The following PRRX1 variants were observed in gnomAD, a reference collection of about 807,000 sequenced individuals.
The protein encoded by PRRX1 is paired related homeobox 1.
PRRX1 carries 8 observed loss-of-function variants against 24.0 expected under a neutral mutation model. The observed-to-expected ratio is 0.33, with a 90% CI of 0.20 to 0.60. The LOEUF is 0.60. Ranked by LOEUF, PRRX1 falls within the 20% of genes least tolerant of loss-of-function variation. The pLI, the probability that PRRX1 is intolerant of heterozygous loss-of-function variation, is 0.82. For synonymous variants in PRRX1, 160 were observed against 131.7 expected (o/e 1.22, Z -1.47); for missense variants, 281 against 322.4 (o/e 0.87, Z 0.98).
At chr1:170,699,228 G>A (rs1206407678) in intron 1 of PRRX1, among the ~76,000 whole-genome samples, 5 of 152,110 alleles carry the variant, frequency 3.3e-5, no homozygotes, top group South Asian at 2.1e-4. Context: ...CAGGCCGTCC[G>A]GCTGCCAATT....
intron 1 of PRRX1, among the ~76,000 whole-genome samples, chr1:170,695,143 A>C (rs1051779697): frequency 6.6e-6 from 1 of 152,168 alleles, no homozygotes; most frequent in African/African-American, 2.4e-5. Flanking sequence ...GATTAAATGC[A>C]ACAACCATAC....
chr1:170,714,285 C>T lies in PRRX1; in HGVS notation c.242-5441C>T, dbSNP rs532782152. On this transcript the variant is annotated intron_variant, in intron 1 of 3. Transcript: ENST00000239461. ...TTCAATTTTCCAAAGGTTACGGGGC[C>T]TGAACCACACAAATCCCATTAAAGT... 7.9e-5 allele frequency among the ~76,000 whole-genome samples: 12 copies of T among 152,292 alleles called. No homozygotes were observed. In the East Asian group the frequency reaches 2.3e-3, roughly 29 times the overall value.
chr1:170,701,849 CT>C (rs1381048252), intron 1 of PRRX1, among the ~76,000 whole-genome samples: 1 of 152,056 alleles, frequency 6.6e-6, no homozygotes, highest in South Asian at 2.1e-4. Flanking sequence ...AAACATTTAT[CT>C]TTTTTTGTGT....
intron 1 of PRRX1, among the ~76,000 whole-genome samples, chr1:170,701,542 T>A (rs1654359403): frequency 6.6e-6 from 1 of 152,176 alleles, no homozygotes. Context: ...GCTTGTTTTG[T>A]TCAAGAATTA....
intron 1 of PRRX1, among the ~76,000 whole-genome samples, chr1:170,684,229 T>C (rs1333116607): frequency 6.6e-6 from 1 of 152,210 alleles, no homozygotes; most frequent in African/African-American, 2.4e-5. Flanking sequence ...CAACCTCAAC[T>C]TCTTCCAGTC....
intron 1 of PRRX1, among the ~76,000 whole-genome samples, chr1:170,669,842 C>A (rs1478138656): frequency 2.0e-5 from 3 of 152,132 alleles, no homozygotes; most frequent in Non-Finnish European, 4.4e-5. Flanking sequence ...ATTTTTCCCC[C>A]CTTTAGAAGA....
Position 170,737,135 on chromosome 1 carries a change from T to C in PRRX1, c.*949T>C, listed in dbSNP as rs1229212697. On this transcript the variant is annotated 3_prime_UTR_variant, in exon 4 of 4. Transcript: ENST00000239461. ...ATAGTGAGATGCACACTTATATATA[T>C]ACTGTATATATTTATATATTTATAT... 1.2e-5 allele frequency: 2 copies of C among 167,458 alleles called. No individual in the cohort carries two copies. The highest frequency in any genetic ancestry group is 2.4e-5 in the African/African-American group (1 of 41,430). 10.4% of individuals were successfully genotyped at this position (167,458 alleles called of 1,614,324 possible).
At chr1:170,700,737 C>T (rs1016784238) in intron 1 of PRRX1, among the ~76,000 whole-genome samples, 4 of 152,150 alleles carry the variant, frequency 2.6e-5, no homozygotes, top group African/African-American at 9.7e-5. Context: ...GCCCTTATCA[C>T]CCACTTTGCT....
intron 1 of PRRX1, among the ~76,000 whole-genome samples, chr1:170,710,828 C>T (rs2101911072): frequency 6.6e-6 from 1 of 152,296 alleles, no homozygotes; most frequent in South Asian, 2.1e-4. Flanking sequence ...AGCAGGCCCT[C>T]AACAGGAACC....
chr1:170,668,329 A>T (rs1653023104), intron 1 of PRRX1: 1 of 152,348 alleles, frequency 6.6e-6, no homozygotes, highest in South Asian at 2.1e-4. Context: ...TTTGAAAAAA[A>T]ATGCGCCTGC....
intron 3 of PRRX1, among the ~76,000 whole-genome samples, chr1:170,735,157 T>C (rs1655564561): frequency 6.6e-6 from 1 of 152,238 alleles, no homozygotes; most frequent in Non-Finnish European, 1.5e-5. Context: ...TTCTTTTTCC[T>C]TTAACAGAGA....
chr1:170,701,419 A>T (rs549330478), intron 1 of PRRX1, among the ~76,000 whole-genome samples: 1 of 152,314 alleles, frequency 6.6e-6, no homozygotes, highest in South Asian at 2.1e-4. Flanking sequence ...GTGATTTGTC[A>T]TTGCAACTTA....
intron 1 of PRRX1, among the ~76,000 whole-genome samples, chr1:170,685,245 A>G (rs1472548353): frequency 6.6e-6 from 1 of 152,168 alleles, no homozygotes; most frequent in African/African-American, 2.4e-5. Context: ...GCCAGTTGAC[A>G]CCATTTGTGA....
At chr1:170,705,830 A>C (rs867944342) in intron 1 of PRRX1, among the ~76,000 whole-genome samples, 15 of 151,886 alleles carry the variant, frequency 9.9e-5, no homozygotes, top group African/African-American at 3.6e-4. Context: ...GAGCAATTGA[A>C]TCTGCTTCTA....
intron 1 of PRRX1, among the ~76,000 whole-genome samples, chr1:170,688,502 A>G (rs1653820772): frequency 6.6e-6 from 1 of 152,072 alleles, no homozygotes; most frequent in East Asian, 1.9e-4. Context: ...GTGAATGTTC[A>G]GGGTTATACA....
intron 1 of PRRX1, among the ~76,000 whole-genome samples, chr1:170,695,640 T>C (rs1654141164): frequency 2.0e-5 from 3 of 152,186 alleles, no homozygotes; most frequent in Admixed American, 2.0e-4. Context: ...TAATTAAACA[T>C]ATCAATTCCA....
intron 1 of PRRX1, among the ~76,000 whole-genome samples, chr1:170,718,555 C>A (rs1026255178): frequency 6.6e-6 from 1 of 152,218 alleles, no homozygotes; most frequent in Admixed American, 6.5e-5. Flanking sequence ...TGGCCAAGCT[C>A]TCCTTGTTCT....
chr1:170,672,819 G>T (rs906070287), intron 1 of PRRX1, among the ~76,000 whole-genome samples: 1 of 152,142 alleles, frequency 6.6e-6, no homozygotes, highest in African/African-American at 2.4e-5. Context: ...TCTTCAAAGG[G>T]ATTGTTAGAT....
intron 1 of PRRX1, among the ~76,000 whole-genome samples, chr1:170,700,382 C>T (rs148384646): frequency 3.4e-4 from 51 of 152,032 alleles, no homozygotes; most frequent in Non-Finnish European, 5.3e-4. Context: ...TTGGAAAGTC[C>T]GTCAGAGCTC....
Sources: allele counts gnomAD v4.1 joint callset (sites outside exome capture counted in the v4.1 genomes callset), GRCh38; gene constraint gnomAD v4.1.1; transcripts MANE v1.5; gene names NCBI Gene and HGNC (gene_info 2026-07-23, HGNC 2026-07-21).